Variants in CTNNA3 observed in about 807,000 individuals in gnomAD.
CTNNA3 encodes catenin alpha-3.
Under a neutral mutation model 95.7 loss-of-function variants are expected in CTNNA3, and 76 were observed. That is an observed-to-expected ratio of 0.79 (90% CI 0.66 to 0.96). The LOEUF (loss-of-function observed/expected upper bound fraction) is 0.96, where lower values mean the gene tolerates loss of function less well. Among genes scored for constraint, CTNNA3 ranks in the 40% least tolerant of loss-of-function variants. The probability of loss-of-function intolerance (pLI) is 0.00; values close to 1 mark genes in which losing one functional copy is unlikely to be tolerated. For missense variants in CTNNA3, 1,191 were observed against 1,089.8 expected (o/e 1.09, Z -1.31); for synonymous variants, 431 against 374.4 (o/e 1.15, Z -1.74).
At chr10:66,352,454 A>T (rs911303313) in intron 12 of CTNNA3, among the ~76,000 whole-genome samples, 1 of 152,146 alleles carries the variant, frequency 6.6e-6, no homozygotes, top group Non-Finnish European at 1.5e-5. Flanking sequence ...GAGGACTAGC[A>T]GTAGGAAGCA....
chr10:65,978,857 C>T (rs1207005164), intron 16 of CTNNA3, among the ~76,000 whole-genome samples: 1 of 152,052 alleles, frequency 6.6e-6, no homozygotes, highest in African/African-American at 2.4e-5. Flanking sequence ...TTTGCTATGC[C>T]TATGACAGCT....
At chr10:67,519,943 T>G (rs867128327) in intron 5 of CTNNA3, among the ~76,000 whole-genome samples, 3 of 152,194 alleles carry the variant, frequency 2.0e-5, no homozygotes, top group Non-Finnish European at 2.9e-5. Context: ...GCTGATGTTC[T>G]GACCCTTTGA....
At chr10:66,685,119 C>T (rs1355396602) in intron 9 of CTNNA3, among the ~76,000 whole-genome samples, 1 of 145,292 alleles carries the variant, frequency 6.9e-6, no homozygotes, top group Non-Finnish European at 1.5e-5. Flanking sequence ...AAAACCAAAG[C>T]AAGCTATAAG....
chr10:66,722,378 A>C (rs1589169291), intron 9 of CTNNA3, among the ~76,000 whole-genome samples: 2 of 18,460 alleles, frequency 1.1e-4, no homozygotes, highest in South Asian at 1.8e-3. Context: ...ACCCTGTCTC[A>C]AAAAAAAAAA....
chr10:66,763,797 T>C (rs908077974), intron 9 of CTNNA3, among the ~76,000 whole-genome samples: 5 of 152,186 alleles, frequency 3.3e-5, no homozygotes, highest in African/African-American at 1.2e-4. Context: ...AAGCCATGTA[T>C]TGATGCACCA....
chr10:67,029,872 C>T (rs181675614), intron 7 of CTNNA3, among the ~76,000 whole-genome samples: 1 of 152,132 alleles, frequency 6.6e-6, no homozygotes, highest in African/African-American at 2.4e-5. Flanking sequence ...TAAATAGACA[C>T]GTGTGGCTAC....
intron 7 of CTNNA3, among the ~76,000 whole-genome samples, chr10:66,890,651 T>C (rs528686436): frequency 2.0e-5 from 3 of 152,260 alleles, no homozygotes; most frequent in Non-Finnish European, 2.9e-5. Flanking sequence ...TTAGCATTGA[T>C]GGATACCGAC....
chr10:65,935,080 T>C (rs2077314497), intron 17 of CTNNA3, among the ~76,000 whole-genome samples: 1 of 152,182 alleles, frequency 6.6e-6, no homozygotes, highest in African/African-American at 2.4e-5. Context: ...CCAGTGCAAT[T>C]TGAGTTATTC....
At chr10:66,112,921 C>T (rs1384605296) in intron 13 of CTNNA3, among the ~76,000 whole-genome samples, 1 of 151,920 alleles carries the variant, frequency 6.6e-6, no homozygotes, top group African/African-American at 2.4e-5. Context: ...TGAATAATGC[C>T]GAAATAAACA....
intron 7 of CTNNA3, among the ~76,000 whole-genome samples, chr10:67,130,830 A>C (rs1358917610): frequency 1.3e-5 from 2 of 152,020 alleles, no homozygotes; most frequent in African/African-American, 2.4e-5. Context: ...ACTACATACA[A>C]ATGGAAGCAC....
chr10:67,162,984 T>C (rs1165293927), intron 7 of CTNNA3, among the ~76,000 whole-genome samples: 2 of 151,928 alleles, frequency 1.3e-5, no homozygotes, highest in Non-Finnish European at 2.9e-5. Flanking sequence ...GGAAGTGGAA[T>C]TCATAATATA....
At chr10:67,039,906 T>C (rs1854289794) in intron 7 of CTNNA3, among the ~76,000 whole-genome samples, 1 of 152,142 alleles carries the variant, frequency 6.6e-6, no homozygotes, top group Non-Finnish European at 1.5e-5. Flanking sequence ...TTTCTATGTC[T>C]TAGAAGTTTT....
chr10:67,447,750 T>G (rs1846810829), intron 5 of CTNNA3, among the ~76,000 whole-genome samples: 1 of 152,200 alleles, frequency 6.6e-6, no homozygotes, highest in Non-Finnish European at 1.5e-5. Context: ...TTGATGTGTA[T>G]GTGTTTGTTT....
chr10:66,448,283 T>C (rs2093437813), intron 11 of CTNNA3, among the ~76,000 whole-genome samples: 1 of 152,166 alleles, frequency 6.6e-6, no homozygotes, highest in African/African-American at 2.4e-5. Context: ...TCCACAGGGA[T>C]CTAGAACTAG....
At chr10:66,283,652 G>C (rs2091532490) in intron 12 of CTNNA3, among the ~76,000 whole-genome samples, 1 of 151,756 alleles carries the variant, frequency 6.6e-6, no homozygotes, top group South Asian at 2.1e-4. Flanking sequence ...AGAAGCAAAT[G>C]TTTAATTTCT....
intron 9 of CTNNA3, among the ~76,000 whole-genome samples, chr10:66,699,877 G>C (rs559337570): frequency 6.6e-6 from 1 of 151,856 alleles, no homozygotes; most frequent in East Asian, 1.9e-4. Flanking sequence ...GGCTGGTCTC[G>C]AACTCCCGAC....
intron 15 of CTNNA3, among the ~76,000 whole-genome samples, chr10:66,061,638 T>C (rs2080201478): frequency 6.6e-6 from 1 of 151,984 alleles, no homozygotes; most frequent in African/African-American, 2.4e-5. Context: ...TTCATGCCCA[T>C]CTTAATTTCC....
intron 11 of CTNNA3, among the ~76,000 whole-genome samples, chr10:66,496,157 A>C (rs1424415454): frequency 6.6e-6 from 1 of 152,152 alleles, no homozygotes; most frequent in Non-Finnish European, 1.5e-5. Flanking sequence ...TGTGTCATAT[A>C]TTGCATGATT....
intron 7 of CTNNA3, among the ~76,000 whole-genome samples, chr10:67,147,284 T>G (rs1034006474): frequency 1.3e-5 from 2 of 152,204 alleles, no homozygotes; most frequent in African/African-American, 2.4e-5. Context: ...GACAACTTGG[T>G]GAACTTTTAC....
Sources: allele counts gnomAD v4.1 joint callset (sites outside exome capture counted in the v4.1 genomes callset), GRCh38; gene constraint gnomAD v4.1.1; transcripts MANE v1.5; gene names NCBI Gene and HGNC (gene_info 2026-07-23, HGNC 2026-07-21).